The following ARHGAP26 variants were observed in gnomAD, a reference collection of about 807,000 sequenced individuals.
The protein encoded by ARHGAP26 is Rho GTPase activating protein 26, also known as rho GTPase-activating protein 26.
A neutral mutation model predicts 104.8 loss-of-function variants in ARHGAP26; 38 were observed. The observed-to-expected ratio is 0.36, with a 90% CI of 0.28 to 0.48. The LOEUF (loss-of-function observed/expected upper bound fraction) is 0.48, where lower values mean the gene tolerates loss of function less well. Among genes scored for constraint, ARHGAP26 ranks in the 20% least tolerant of loss-of-function variants. The probability of loss-of-function intolerance (pLI) is 0.99; values close to 1 mark genes in which losing one functional copy is unlikely to be tolerated. For missense variants in ARHGAP26, 704 were observed against 947.9 expected (o/e 0.74, Z 3.38); for synonymous variants, 341 against 340.0 (o/e 1.00, Z -0.03).
intron 14 of ARHGAP26, among the ~76,000 whole-genome samples, chr5:143,051,091 C>T (rs534977720): frequency 1.3e-5 from 2 of 152,094 alleles, no homozygotes; most frequent in African/African-American, 2.4e-5. Flanking sequence ...TTAACATGTG[C>T]GTGTATTACT....
chr5:142,993,741 A>C (rs893189906), intron 11 of ARHGAP26, among the ~76,000 whole-genome samples: 3 of 152,134 alleles, frequency 2.0e-5, no homozygotes, highest in African/African-American at 4.8e-5. Flanking sequence ...TCTTGGGGTC[A>C]AGCTATCCTA....
At chr5:143,191,257 G>A (rs1562582175) in intron 20 of ARHGAP26, among the ~76,000 whole-genome samples, 1 of 152,230 alleles carries the variant, frequency 6.6e-6, no homozygotes, top group Non-Finnish European at 1.5e-5. Context: ...AACTGTTGTT[G>A]TTTTTATTAT....
At chr5:142,906,654 C>G (rs72799072) in intron 8 of ARHGAP26, among the ~76,000 whole-genome samples, 3,829 of 152,258 alleles carry the variant, frequency 0.025, 62 homozygotes, top group Non-Finnish European at 0.034. Flanking sequence ...AGATACAGTG[C>G]TTTGGGAATC....
intron 1 of ARHGAP26, among the ~76,000 whole-genome samples, chr5:142,816,528 C>A (rs1423621392): frequency 3.3e-5 from 5 of 152,156 alleles, no homozygotes; most frequent in Non-Finnish European, 7.3e-5. Flanking sequence ...GTAGGAGATG[C>A]CATGTGCGCC....
At chr5:142,797,538 A>T (rs562514911) in intron 1 of ARHGAP26, among the ~76,000 whole-genome samples, 1 of 152,258 alleles carries the variant, frequency 6.6e-6, no homozygotes, top group East Asian at 1.9e-4. Context: ...GATTTTTTGT[A>T]TCATAGCTGT....
At chr5:142,952,240 C>G (rs933709644) in intron 11 of ARHGAP26, among the ~76,000 whole-genome samples, 1 of 152,132 alleles carries the variant, frequency 6.6e-6, no homozygotes, top group African/African-American at 2.4e-5. Flanking sequence ...GGCCACCATT[C>G]GACCCACTAG....
At chr5:143,044,501 C>T (rs937947203) in intron 14 of ARHGAP26, among the ~76,000 whole-genome samples, 4 of 145,576 alleles carry the variant, frequency 2.7e-5, no homozygotes, top group Admixed American at 7.3e-5. Flanking sequence ...TCACATGATT[C>T]GTTTCTCAAT....
chr5:143,160,250 G>A (rs1382346870), intron 20 of ARHGAP26, among the ~76,000 whole-genome samples: 1 of 151,706 alleles, frequency 6.6e-6, no homozygotes, highest in African/African-American at 2.4e-5. Flanking sequence ...TAGTAGAGAT[G>A]GAGTTTCACC....
At chr5:142,814,823 G>T (rs1159358262) in intron 1 of ARHGAP26, among the ~76,000 whole-genome samples, 1 of 152,204 alleles carries the variant, frequency 6.6e-6, no homozygotes, top group African/African-American at 2.4e-5. Context: ...CACACTGGTT[G>T]TTGTGACAAT....
At chr5:143,063,291 T>C (rs999701032) in intron 17 of ARHGAP26, among the ~76,000 whole-genome samples, 1 of 152,218 alleles carries the variant, frequency 6.6e-6, no homozygotes, top group Non-Finnish European at 1.5e-5. Context: ...CAAGCTGCCA[T>C]TGTGTCTTTC....
At chr5:143,210,750 A>G (rs1233266028) in intron 21 of ARHGAP26, among the ~76,000 whole-genome samples, 2 of 152,168 alleles carry the variant, frequency 1.3e-5, no homozygotes, top group Non-Finnish European at 2.9e-5. Flanking sequence ...TCATTTTGCA[A>G]GGTTTGCAAG....
At chr5:143,116,167 C>T (rs866752420) in intron 17 of ARHGAP26, among the ~76,000 whole-genome samples, 4 of 152,010 alleles carry the variant, frequency 2.6e-5, no homozygotes, top group Non-Finnish European at 4.4e-5. Flanking sequence ...AAAGTTTGAG[C>T]GCTACTATTA....
At chr5:143,010,192 A>G (rs990604884) in intron 11 of ARHGAP26, among the ~76,000 whole-genome samples, 3 of 152,226 alleles carry the variant, frequency 2.0e-5, no homozygotes, top group African/African-American at 4.8e-5. Context: ...TTTATGAACC[A>G]TAATACCAAC....
chr5:143,196,819 G>A (rs535074081), intron 20 of ARHGAP26, among the ~76,000 whole-genome samples: 3 of 152,328 alleles, frequency 2.0e-5, no homozygotes, highest in Non-Finnish European at 4.4e-5. Flanking sequence ...AGCTGGGAAT[G>A]TGCCGTTGGG....
intron 2 of ARHGAP26, 81 bp downstream of exon 2, chr5:142,873,576 G>A: frequency 1.0e-6 from 1 of 957,274 alleles, no homozygotes; most frequent in Non-Finnish European, 1.5e-6. Flanking sequence ...TTTTCCCTGA[G>A]ATAGGAAGTC....
At position 143,225,362 on chromosome 5, in the gene ARHGAP26, T is replaced by C; in HGVS notation, c.*2916T>C. 1 of 183,066 alleles carries C rather than the reference T, an allele frequency of 5.5e-6. No individual in the cohort carries two copies. The highest frequency in any genetic ancestry group is 2.0e-4 in the South Asian group (1 of 5,082). 11.3% of individuals were successfully genotyped at this position (183,066 alleles called of 1,614,324 possible). A position where few individuals can be genotyped will look rare whatever the true frequency, so the allele number is the denominator to read the frequency against. ...GCCATCACACCCAGCTAGTTTTTTG[T>C]ATTTTTAGTAAAGATGGGGTTTTGC... On this transcript the variant is annotated 3_prime_UTR_variant, in exon 23 of 23. Transcript: ENST00000645722.
In ARHGAP26 at chr5:143,225,475, C is replaced by T. The variant is rs1230075843; in HGVS notation, c.*3029C>T. 14 of 199,770 alleles carry T rather than the reference C, an allele frequency of 7.0e-5. No individual in the cohort carries two copies. Among genetic ancestry groups the T allele is most frequent in the East Asian group, 4.6e-4 (6 of 12,964 alleles). 12.4% of individuals were successfully genotyped at this position (199,770 alleles called of 1,614,324 possible). On this transcript the variant is annotated 3_prime_UTR_variant, in exon 23 of 23. Coordinates refer to ENST00000645722, the MANE Select transcript of ARHGAP26 (RefSeq NM_001135608.3). ...AAGTGCTGGGATTCCAGGTGTGAGC[C>T]GCTGCGGCCGACCACATTTGATGTT...
chr5:143,008,891 C>T (rs1018658428), intron 11 of ARHGAP26, among the ~76,000 whole-genome samples: 1 of 152,160 alleles, frequency 6.6e-6, no homozygotes, highest in Non-Finnish European at 1.5e-5. Context: ...TCTGTAGGGA[C>T]ATGTAAACTG....
chr5:142,892,881 C>T (rs1758859455), intron 5 of ARHGAP26, among the ~76,000 whole-genome samples: 1 of 152,096 alleles, frequency 6.6e-6, no homozygotes, highest in Non-Finnish European at 1.5e-5. Context: ...TAGCCATAGT[C>T]ATCCTACTGT....
Sources: allele counts gnomAD v4.1 joint callset (sites outside exome capture counted in the v4.1 genomes callset), GRCh38; gene constraint gnomAD v4.1.1; transcripts MANE v1.5; gene names NCBI Gene and HGNC (gene_info 2026-07-23, HGNC 2026-07-21).